EYA4: variants seen among roughly 807,000 people sequenced by gnomAD.
EYA4 encodes the protein EYA transcriptional coactivator and phosphatase 4, also known as protein phosphatase EYA4.
Under a neutral mutation model 87.9 loss-of-function variants are expected in EYA4, and 31 were observed. The observed-to-expected ratio is 0.35, with a 90% CI of 0.27 to 0.48. The LOEUF (loss-of-function observed/expected upper bound fraction) is 0.48, where lower values mean the gene tolerates loss of function less well. Ranked by LOEUF, EYA4 falls within the 20% of genes least tolerant of loss-of-function variation. EYA4 has a pLI of 0.99. For missense variants in EYA4, 678 were observed against 761.4 expected (o/e 0.89, Z 1.29); for synonymous variants, 263 against 270.6 (o/e 0.97, Z 0.28).
At chr6:133,397,364 C>A (rs1322424345) in intron 3 of EYA4, among the ~76,000 whole-genome samples, 1 of 152,180 alleles carries the variant, frequency 6.6e-6, no homozygotes, top group Non-Finnish European at 1.5e-5. Context: ...TTCCAAAACG[C>A]CTACATTTCC....
intron 6 of EYA4, among the ~76,000 whole-genome samples, chr6:133,457,831 A>G (rs1794036403): frequency 6.6e-6 from 1 of 152,198 alleles, no homozygotes; most frequent in Non-Finnish European, 1.5e-5. Flanking sequence ...AAGGAAAGGA[A>G]TGGAGTTATT....
At chr6:133,481,625 G>T in intron 12 of EYA4, 26 bp downstream of exon 12, 1 of 1,610,080 alleles carries the variant, frequency 6.2e-7, no homozygotes, top group Middle Eastern at 1.7e-4. Flanking sequence ...CTTAAAGATT[G>T]TAGTGTGATG....
intron 11 of EYA4, among the ~76,000 whole-genome samples, chr6:133,477,498 T>G (rs1021866375): frequency 6.6e-6 from 1 of 152,118 alleles, no homozygotes; most frequent in Admixed American, 6.6e-5. Context: ...AAGTTCCTTG[T>G]GTATTTTGGA....
chr6:133,429,085 C>A (rs1197700811), intron 3 of EYA4, among the ~76,000 whole-genome samples: 1 of 151,384 alleles, frequency 6.6e-6, no homozygotes, highest in Non-Finnish European at 1.5e-5. Flanking sequence ...CGCCACCACA[C>A]CCGACTAATT....
At chr6:133,251,553 G>C (rs971196959) in intron 1 of EYA4, among the ~76,000 whole-genome samples, 1 of 152,132 alleles carries the variant, frequency 6.6e-6, no homozygotes, top group African/African-American at 2.4e-5. Context: ...TATCTGTATA[G>C]TTTTAAAAAT....
chr6:133,287,835 G>T (rs1305890050), intron 2 of EYA4, among the ~76,000 whole-genome samples: 1 of 152,128 alleles, frequency 6.6e-6, no homozygotes, highest in South Asian at 2.1e-4. Flanking sequence ...CATGAACTCC[G>T]AAAGGCTTAA....
At chr6:133,270,367 T>C (rs1776588737) in intron 1 of EYA4, among the ~76,000 whole-genome samples, 1 of 152,178 alleles carries the variant, frequency 6.6e-6, no homozygotes, top group Non-Finnish European at 1.5e-5. Context: ...CAAATACTAT[T>C]ACATAAAGTT....
At chr6:133,432,498 T>TG (rs555209130) in intron 3 of EYA4, among the ~76,000 whole-genome samples, 44 of 151,864 alleles carry the variant, frequency 2.9e-4, no homozygotes, top group African/African-American at 1.1e-3. Flanking sequence ...CTTTTTTTTT[T>TG]TTTTTCATGG....
intron 14 of EYA4, among the ~76,000 whole-genome samples, chr6:133,509,628 C>T (rs1798965796): frequency 1.3e-5 from 2 of 152,130 alleles, no homozygotes; most frequent in African/African-American, 2.4e-5. Context: ...AGTGCTATTT[C>T]GGTTAGAATA....
chr6:133,425,077 G>A lies in EYA4; in HGVS notation c.84-21553G>A, dbSNP rs865960967. ...TTGCTGAGCAGTATTCCTTTGGGTGGTGGTACTACAGTTTATCTATCCGCT... is the reference window on the plus strand; with the variant it reads ...TTGCTGAGCAGTATTCCTTTGGGTGATGGTACTACAGTTTATCTATCCGCT... On this transcript the variant is annotated intron_variant, in intron 3 of 19. Coordinates refer to ENST00000355286, the MANE Select transcript of EYA4 (RefSeq NM_004100.5). 8.0e-5 allele frequency among the ~76,000 whole-genome samples: 12 copies of A among 150,930 alleles called. No individual in the cohort carries two copies. The South Asian group carries it at 8.4e-4, about 11-fold the overall frequency.
intron 3 of EYA4, among the ~76,000 whole-genome samples, chr6:133,430,115 C>A (rs1462455218): frequency 6.6e-6 from 1 of 152,092 alleles, no homozygotes; most frequent in African/African-American, 2.4e-5. Context: ...TGAGAACATG[C>A]GGTATTTGGT....
At chr6:133,447,975 A>C in intron 4 of EYA4, 136 bp from the exon 5 acceptor site, 1 of 706,888 alleles carries the variant, frequency 1.4e-6, no homozygotes, top group South Asian at 1.5e-5. Context: ...AGACCTGATA[A>C]ACTAAAATGT....
At position 133,464,486 on chromosome 6, in the gene EYA4, T is replaced by C. The variant is rs77280118; in HGVS notation, c.725-293T>C. On this transcript the variant is annotated intron_variant, in intron 9 of 19. Coordinates refer to ENST00000355286, the MANE Select transcript of EYA4 (RefSeq NM_004100.5). ...TCTTAGTCTGTGTAAGATTTTATCC[T>C]TTGCATACCCCTGCACTTCTAGACT... is the stretch of plus-strand genomic sequence containing the variant. Among the ~76,000 whole-genome samples, 2,465 of 152,230 alleles carry C rather than the reference T, an allele frequency of 0.016. 71 individuals are homozygous for C. Among genetic ancestry groups the C allele is most frequent in the African/African-American group, 0.056 (2,311 of 41,546 alleles).
chr6:133,436,832 T>A (rs1425480437), intron 3 of EYA4, among the ~76,000 whole-genome samples: 2 of 152,134 alleles, frequency 1.3e-5, no homozygotes, highest in Admixed American at 1.3e-4. Flanking sequence ...ACTGATGGAG[T>A]CAACTTATAA....
chr6:133,441,734 G>A (rs575928604), intron 3 of EYA4, among the ~76,000 whole-genome samples: 1 of 152,180 alleles, frequency 6.6e-6, no homozygotes, highest in African/African-American at 2.4e-5. Flanking sequence ...GATGAAGCAG[G>A]TAATCAGAAT....
intron 2 of EYA4, among the ~76,000 whole-genome samples, chr6:133,369,639 C>T (rs936303036): frequency 9.2e-5 from 14 of 152,042 alleles, no homozygotes; most frequent in Non-Finnish European, 2.1e-4. Flanking sequence ...CGAGAACAAA[C>T]AAAAATGTAA....
At chr6:133,378,926 GGTGTGTGTGTGT>G (rs10681162) in intron 2 of EYA4, among the ~76,000 whole-genome samples, 6 of 141,810 alleles carry the variant, frequency 4.2e-5, no homozygotes, top group East Asian at 4.2e-4. Context: ...TTTCTGTCTT[GGTGTGTGTGTGT>G]GTGTGTGTGT....
chr6:133,519,498 A>G (rs1043170760), intron 17 of EYA4, among the ~76,000 whole-genome samples: 4 of 151,618 alleles, frequency 2.6e-5, no homozygotes, highest in African/African-American at 9.7e-5. Context: ...TTGTGGCAAT[A>G]ATCCATAGCT....
intron 3 of EYA4, among the ~76,000 whole-genome samples, chr6:133,386,955 T>C (rs1041187718): frequency 1.3e-5 from 2 of 152,220 alleles, no homozygotes; most frequent in African/African-American, 4.8e-5. Context: ...ACTTAATGAT[T>C]ACCTGAAATT....
Sources: allele counts gnomAD v4.1 joint callset (sites outside exome capture counted in the v4.1 genomes callset), GRCh38; gene constraint gnomAD v4.1.1; transcripts MANE v1.5; gene names NCBI Gene and HGNC (gene_info 2026-07-23, HGNC 2026-07-21).